NSMCE2: variants seen among roughly 807,000 people sequenced by gnomAD.
The protein encoded by NSMCE2 is NSE2 SUMO ligase component of SMC5/6 complex.
In NSMCE2, 24 loss-of-function variants were observed where a neutral mutation model predicts 23.8. That is an observed-to-expected ratio of 1.01 (90% CI 0.73 to 1.42). The LOEUF (loss-of-function observed/expected upper bound fraction) is 1.42, where lower values mean the gene tolerates loss of function less well. Ranked by LOEUF, NSMCE2 falls within the 40% of genes most tolerant of loss-of-function variation. The probability of loss-of-function intolerance (pLI) is 0.00; values close to 1 mark genes in which losing one functional copy is unlikely to be tolerated. For missense variants in NSMCE2, 284 were observed against 296.5 expected (o/e 0.96, Z 0.31); for synonymous variants, 92 against 94.1 (o/e 0.98, Z 0.13).
chr8:125,320,243 G>GGAAGGAAGGAAGGAAGGAAGGAA (rs1829381029), intron 5 of NSMCE2, among the ~76,000 whole-genome samples: 1 of 57,110 alleles, frequency 1.8e-5, no homozygotes, highest in African/African-American at 7.2e-5. Context: ...AAGGGAGGGA[G>GGAAGGAAGGAAGGAAGGAAGGAA]GGAGGGAGGG....
intron 5 of NSMCE2, among the ~76,000 whole-genome samples, chr8:125,202,270 A>G (rs1347891229): frequency 1.3e-5 from 2 of 152,192 alleles, no homozygotes; most frequent in Non-Finnish European, 2.9e-5. Context: ...CTCAATTGGA[A>G]ATGCCAAAAT....
At chr8:125,181,039 A>G (rs1314773449) in intron 4 of NSMCE2, among the ~76,000 whole-genome samples, 8 of 152,160 alleles carry the variant, frequency 5.3e-5, no homozygotes, top group African/African-American at 1.4e-4. Context: ...GAGTTTGGTG[A>G]GTTTTGCTTG....
chr8:125,357,162 C>G, intron 5 of NSMCE2, 57 bp from the exon 6 acceptor site: 1 of 1,167,142 alleles, frequency 8.6e-7, no homozygotes, highest in Non-Finnish European at 1.3e-6. Flanking sequence ...CCTTCCATTC[C>G]TTCCTTTTCT....
chr8:125,344,246 C>G (rs990262943), intron 5 of NSMCE2, among the ~76,000 whole-genome samples: 1 of 152,078 alleles, frequency 6.6e-6, no homozygotes, highest in African/African-American at 2.4e-5. Context: ...GCCGTCAGTC[C>G]TACTTACCTC....
intron 3 of NSMCE2, among the ~76,000 whole-genome samples, chr8:125,121,809 A>T (rs1819276467): frequency 6.6e-6 from 1 of 152,212 alleles, no homozygotes; most frequent in African/African-American, 2.4e-5. Context: ...CATTACCATT[A>T]TACATATGAG....
In NSMCE2 at chr8:125,151,295, C is replaced by A; in HGVS notation, c.264+18C>A. ...TAAATCATGTAAGTTTATACCACTC[C>A]CTGGTTATATATTTGGTTACAACTC... is the stretch of plus-strand genomic sequence containing the variant. On this transcript the variant is annotated intron_variant, in intron 4 of 7. Coordinates refer to ENST00000287437, the MANE Select transcript of NSMCE2 (RefSeq NM_173685.4). 1.6e-6 allele frequency: 2 copies of A among 1,253,598 alleles called. No homozygotes were observed. Among genetic ancestry groups the A allele is most frequent in the Non-Finnish European group, 2.3e-6 (2 of 859,506 alleles). 77.7% of individuals were successfully genotyped at this position (1,253,598 alleles called of 1,614,324 possible). A position where few individuals can be genotyped will look rare whatever the true frequency, so the allele number is the denominator to read the frequency against.
At chr8:125,211,226 T>C (rs530410675) in intron 5 of NSMCE2, among the ~76,000 whole-genome samples, 77 of 152,330 alleles carry the variant, frequency 5.1e-4, no homozygotes, top group African/African-American at 1.9e-3. Flanking sequence ...TAGTACAAAC[T>C]TCACAAAGTG....
intron 5 of NSMCE2, among the ~76,000 whole-genome samples, chr8:125,296,001 G>A (rs9297715): frequency 0.031 from 4,772 of 152,168 alleles, 218 homozygotes; most frequent in African/African-American, 0.11. Context: ...TAAAGTATGA[G>A]TAGGAATTAC....
At chr8:125,350,662 C>G (rs1812994933) in intron 5 of NSMCE2, among the ~76,000 whole-genome samples, 1 of 152,186 alleles carries the variant, frequency 6.6e-6, no homozygotes, top group African/African-American at 2.4e-5. Context: ...AGAGCTTGTG[C>G]AGGGAAACTC....
chr8:125,299,429 TA>T (rs1015158473), intron 5 of NSMCE2, among the ~76,000 whole-genome samples: 3 of 152,150 alleles, frequency 2.0e-5, no homozygotes, highest in Admixed American at 2.0e-4. Flanking sequence ...AGGAATGTCT[TA>T]CATGGCAACA....
intron 5 of NSMCE2, chr8:125,270,597 A>G (rs1363664726): frequency 3.9e-5 from 6 of 152,300 alleles, no homozygotes; most frequent in African/African-American, 1.4e-4. Flanking sequence ...GGTAAAAGAT[A>G]GGCCTAGCTG....
intron 5 of NSMCE2, among the ~76,000 whole-genome samples, chr8:125,237,646 A>G (rs1239025640): frequency 1.3e-5 from 2 of 152,232 alleles, no homozygotes; most frequent in Non-Finnish European, 2.9e-5. Flanking sequence ...GTGAATTAAT[A>G]AAGTCACATT....
intron 5 of NSMCE2, among the ~76,000 whole-genome samples, chr8:125,333,502 G>GTTTTTTT (rs1308950464): frequency 6.1e-5 from 4 of 65,830 alleles, no homozygotes; most frequent in African/African-American, 1.2e-4. Context: ...TTTCCTGGTG[G>GTTTTTTT]TTCTTTTTTT....
intron 5 of NSMCE2, among the ~76,000 whole-genome samples, chr8:125,352,276 G>A (rs1035393865): frequency 2.0e-4 from 31 of 152,126 alleles, no homozygotes; most frequent in Middle Eastern, 3.4e-3. Context: ...AGGTCAGTTC[G>A]CGACCAGCCT....
intron 3 of NSMCE2, among the ~76,000 whole-genome samples, chr8:125,123,414 T>C (rs1482942086): frequency 1.3e-5 from 2 of 152,246 alleles, no homozygotes; most frequent in African/African-American, 4.8e-5. Context: ...ACTCAACAAA[T>C]TTATAAATCT....
intron 5 of NSMCE2, among the ~76,000 whole-genome samples, chr8:125,318,130 C>T (rs916193130): frequency 5.3e-5 from 8 of 152,052 alleles, no homozygotes; most frequent in Admixed American, 2.6e-4. Flanking sequence ...AAAATAGGGC[C>T]GGGTATAGTG....
chr8:125,310,493 G>C (rs1828936531), intron 5 of NSMCE2, among the ~76,000 whole-genome samples: 2 of 152,130 alleles, frequency 1.3e-5, no homozygotes, highest in African/African-American at 4.8e-5. Flanking sequence ...ATAGCTTTTT[G>C]TTTGGTGTAT....
rs548598543 is a variant in NSMCE2, at chr8:125,359,083, G to A, written c.626+1265G>A. Among the ~76,000 whole-genome samples, 13 of 151,822 alleles carry A rather than the reference G, an allele frequency of 8.6e-5. No homozygotes were observed. The South Asian group carries it at 1.7e-3, about 19-fold the overall frequency. On this transcript the variant is annotated intron_variant, in intron 7 of 7. Transcript: ENST00000287437. The stretch of plus-strand genomic sequence containing the variant: ...AGATAGAGACCATCCTGGCTAACAC[G>A]GTGAAACCCCGACTCTACTAAAAAT...
At chr8:125,221,822 A>G (rs1824872048) in intron 5 of NSMCE2, among the ~76,000 whole-genome samples, 1 of 152,212 alleles carries the variant, frequency 6.6e-6, no homozygotes, top group East Asian at 1.9e-4. Flanking sequence ...GGAATTTTCC[A>G]CATGTGGCAA....
Sources: gnomAD v4.1 joint callset for allele counts (sites outside exome capture counted in the v4.1 genomes callset) on GRCh38, gnomAD v4.1.1 for gene constraint, MANE v1.5 for transcripts, NCBI Gene and HGNC (gene_info 2026-07-23, HGNC 2026-07-21) for gene names.